Variants in MIA2 observed in about 807,000 individuals in gnomAD.
MIA2 encodes the protein melanoma inhibitory activity protein 2.
In MIA2, 127 loss-of-function variants were observed where a neutral mutation model predicts 167.8. The ratio of observed to expected loss-of-function variants is 0.76; its 90% CI spans 0.66 to 0.88. MIA2 has a LOEUF of 0.88. Among genes scored for constraint, MIA2 ranks in the 40% least tolerant of loss-of-function variants. The pLI is 0.00. For synonymous variants in MIA2, 552 were observed against 541.9 expected (o/e 1.02, Z -0.26); for missense variants, 1,690 against 1,624.7 (o/e 1.04, Z -0.69).
chr14:39,332,976 T>C (rs929282648), intron 25 of MIA2, among the ~76,000 whole-genome samples: 1 of 152,216 alleles, frequency 6.6e-6, no homozygotes, highest in Admixed American at 6.5e-5. Flanking sequence ...AGTTTTATTT[T>C]AGATATATTT....
chr14:39,274,674 C>A (rs535111192), intron 6 of MIA2, among the ~76,000 whole-genome samples: 1 of 151,406 alleles, frequency 6.6e-6, no homozygotes, highest in Non-Finnish European at 1.5e-5. Flanking sequence ...GATCTGCCCA[C>A]CTTGGCCTCC....
chr14:39,285,189 T>C (rs1364686056), intron 9 of MIA2, among the ~76,000 whole-genome samples: 1 of 152,140 alleles, frequency 6.6e-6, no homozygotes, highest in Non-Finnish European at 1.5e-5. Context: ...TTTCTCTATC[T>C]TTTCCCCACC....
intron 14 of MIA2, among the ~76,000 whole-genome samples, chr14:39,300,202 TTTC>T (rs2062164580): frequency 6.6e-6 from 1 of 152,198 alleles, no homozygotes; most frequent in Non-Finnish European, 1.5e-5. Flanking sequence ...TGTGTCCTTT[TTTC>T]TTCTCTGTAT....
At chr14:39,328,955 T>C (rs1240651278) in intron 25 of MIA2, among the ~76,000 whole-genome samples, 1 of 152,222 alleles carries the variant, frequency 6.6e-6, no homozygotes, top group Non-Finnish European at 1.5e-5. Context: ...ATGGGCTTTT[T>C]TTTGCTTCTA....
chr14:39,302,404 T>A (rs1595350442), intron 15 of MIA2, among the ~76,000 whole-genome samples, 155 bp downstream of exon 15: 1 of 152,226 alleles, frequency 6.6e-6, no homozygotes, highest in African/African-American at 2.4e-5. Context: ...TCCCTTATAG[T>A]TTTTAGCTTC....
intron 6 of MIA2, chr14:39,265,622 G>A (rs1381134184): frequency 4.6e-5 from 20 of 436,132 alleles, no homozygotes; most frequent in Non-Finnish European, 2.0e-5. Flanking sequence ...GACTTAGGGA[G>A]GGCAAAGGGA....
chr14:39,312,794 C>T (rs1055998152), intron 18 of MIA2, among the ~76,000 whole-genome samples: 4 of 151,842 alleles, frequency 2.6e-5, no homozygotes, highest in African/African-American at 9.7e-5. Flanking sequence ...ACTAATGGCT[C>T]AATAAGTTAT....
chr14:39,381,260 CAG>C (rs1422864736), intron 23 of MIA2, among the ~76,000 whole-genome samples: 3 of 152,098 alleles, frequency 2.0e-5, no homozygotes, highest in African/African-American at 4.8e-5. Flanking sequence ...ATGGAGAAGA[CAG>C]AATTCAGTCT....
At chr14:39,349,762 A>G (rs758608059) in intron 28 of MIA2, among the ~76,000 whole-genome samples, 4 of 152,214 alleles carry the variant, frequency 2.6e-5, no homozygotes, top group Admixed American at 2.6e-4. Context: ...TGAAAATTAT[A>G]TTACATGCAG....
chr14:39,242,896 G>A (rs976630051), intron 3 of MIA2, among the ~76,000 whole-genome samples: 1 of 151,828 alleles, frequency 6.6e-6, no homozygotes, highest in Non-Finnish European at 1.5e-5. Flanking sequence ...GCTGAGATGG[G>A]CGGATCACTT....
chr14:39,302,326 CCATGT>C, intron 15 of MIA2, 77 bp downstream of exon 15: 2 of 1,511,870 alleles, frequency 1.3e-6, no homozygotes, highest in Admixed American at 1.8e-5. Flanking sequence ...CCTGTGTGCA[CCATGT>C]TCTTTATATG....
chr14:39,299,447 A>C (rs1467410767), intron 13 of MIA2, among the ~76,000 whole-genome samples: 3 of 151,334 alleles, frequency 2.0e-5, no homozygotes, highest in Admixed American at 1.3e-4. Flanking sequence ...AGCTGGGACT[A>C]CAGGCGCGTG....
chr14:39,345,849 G>A, intron 25 of MIA2, 55 bp from the exon 26 acceptor site: 2 of 1,497,674 alleles, frequency 1.3e-6, no homozygotes, highest in Non-Finnish European at 1.8e-6. Context: ...TTAAACTTAA[G>A]TAAACTTGAT....
chr14:39,273,598 CGT>C (rs1036817708), intron 6 of MIA2, among the ~76,000 whole-genome samples: 7 of 144,150 alleles, frequency 4.9e-5, no homozygotes, highest in Admixed American at 2.1e-4. Flanking sequence ...GATGATCATG[CGT>C]TTTTTTTTTC....
chr14:39,357,597 G>A (rs1351698607), intron 23 of MIA2, among the ~76,000 whole-genome samples: 3 of 152,130 alleles, frequency 2.0e-5, no homozygotes, highest in Non-Finnish European at 4.4e-5. Flanking sequence ...CTGTCATTAT[G>A]ATGTTAGCTG....
Position 39,321,138 on chromosome 14 carries a change from GT to G in MIA2, c.3496+83del, listed in dbSNP as rs1211492070. ...TCTCAACTTACCTTAAAAATGATCT[GT>G]AAAATATTTGGAAAATACAGGCATT... On this transcript the variant is annotated intron_variant, in intron 24 of 28. Coordinates refer to ENST00000640607, the MANE Select transcript of MIA2 (RefSeq NM_001329214.4). The G allele has an allele frequency of 2.8e-6, 4 of 1,403,670 alleles. No individual in the cohort carries two copies. In the African/African-American group the frequency reaches 5.8e-5, roughly 21 times the overall value. 87.0% of individuals were successfully genotyped at this position (1,403,670 alleles called of 1,614,324 possible).
chr14:39,309,110 T>C (rs1485040285), intron 18 of MIA2, among the ~76,000 whole-genome samples: 1 of 152,226 alleles, frequency 6.6e-6, no homozygotes, highest in Non-Finnish European at 1.5e-5. Context: ...AGCCTGAATC[T>C]GACCACTTTT....
intron 17 of MIA2, among the ~76,000 whole-genome samples, 160 bp from the exon 18 acceptor site, chr14:39,308,284 CAATAA>C (rs1176618935): frequency 6.6e-6 from 1 of 152,026 alleles, no homozygotes; most frequent in Non-Finnish European, 1.5e-5. Flanking sequence ...CAACTAATAA[CAATAA>C]AAGCATTTAG....
At chr14:39,239,981 C>G (rs2053965106) in intron 2 of MIA2, among the ~76,000 whole-genome samples, 1 of 152,104 alleles carries the variant, frequency 6.6e-6, no homozygotes, top group African/African-American at 2.4e-5. Flanking sequence ...AAGCCTTCAC[C>G]CTTGGGGCAC....
Sources: allele counts gnomAD v4.1 joint callset (sites outside exome capture counted in the v4.1 genomes callset), GRCh38; gene constraint gnomAD v4.1.1; transcripts MANE v1.5; gene names NCBI Gene and HGNC (gene_info 2026-07-23, HGNC 2026-07-21).